The following WHRN variants were observed in gnomAD, a reference collection of about 807,000 sequenced individuals.
The protein encoded by WHRN is whirlin, also known as CASK-interacting protein CIP98.
WHRN carries 41 observed loss-of-function variants against 68.3 expected under a neutral mutation model. That is an observed-to-expected ratio of 0.60 (90% confidence interval 0.47 to 0.78). WHRN has a LOEUF of 0.78. Ranked by LOEUF, WHRN falls within the 30% of genes least tolerant of loss-of-function variation. WHRN has a pLI of 0.00. For missense variants in WHRN, 1,243 were observed against 1,244.7 expected (o/e 1.00, Z 0.02); for synonymous variants, 560 against 561.3 (o/e 1.00, Z 0.03).
chr9:114,469,467 C>T (rs180886099), intron 2 of WHRN, among the ~76,000 whole-genome samples: 5 of 152,346 alleles, frequency 3.3e-5, no homozygotes, highest in Admixed American at 2.6e-4. Flanking sequence ...CTCAGGGCAG[C>T]GAGTCTCTCC....
rs762188173 is a variant in WHRN at position 114,466,315 on chromosome 9, G to A, written c.915C>T (p.Tyr305=). ...CAGAGCCTGGGTCCACGCCAGTGATGTAAATGCCAAGGCCGTACTCAGCTC... is the reference window on the plus strand; with the variant it reads ...CAGAGCCTGGGTCCACGCCAGTGATATAAATGCCAAGGCCGTACTCAGCTC... ...RGGAEYGLGI[Y]ITGVDPGSEA... is the part of the protein sequence containing the mutation. Residue 305 remains tyrosine, a synonymous_variant, in exon 3 of 12, where the codon TAC becomes TAT. Coordinates refer to ENST00000362057, the MANE Select transcript of WHRN (RefSeq NM_015404.4). The A allele has an allele frequency of 1.2e-6, 2 of 1,614,146 alleles. No individual in the cohort carries two copies. The highest frequency in any genetic ancestry group is 1.7e-6 in the Non-Finnish European group (2 of 1,180,034).
chr9:114,456,930 GA>G (rs1839857873), intron 3 of WHRN, among the ~76,000 whole-genome samples: 1 of 152,062 alleles, frequency 6.6e-6, no homozygotes, highest in Non-Finnish European at 1.5e-5. Flanking sequence ...CTTACTCTGG[GA>G]AAAAGCTATA....
At chr9:114,467,516 G>GC (rs1204208713) in intron 2 of WHRN, among the ~76,000 whole-genome samples, 1 of 151,904 alleles carries the variant, frequency 6.6e-6, no homozygotes, top group East Asian at 1.9e-4. Flanking sequence ...GTCAGCCGGC[G>GC]GGGGGGAAGG....
rs1351660656 is a variant in WHRN at position 114,426,233 on chromosome 9, C to T, written c.1144G>A (p.Glu382Lys). 1.9e-6 allele frequency: 3 copies of T among 1,612,486 alleles called. No individual in the cohort carries two copies. The highest frequency in any genetic ancestry group is 2.5e-6 in the Non-Finnish European group (3 of 1,180,030). The change falls in exon 4 of 12, where the codon GAG becomes AAG. Residue 382 changes from glutamate (E) to lysine (K), a missense_variant. Coordinates refer to ENST00000362057, the MANE Select transcript of WHRN (RefSeq NM_015404.4). The stretch of plus-strand genomic sequence containing the variant: ...GACCCTGCCGAGTTCGCCATGGTCT[C>T]CCTGATCCGGGAACTGGCGATCCAC... ...TKWIASSRIRETMANSAGFLG... is the reference protein window; with the variant it reads ...TKWIASSRIRKTMANSAGFLG...
chr9:114,436,261 G>T (rs1378865329), intron 3 of WHRN, among the ~76,000 whole-genome samples: 1 of 152,114 alleles, frequency 6.6e-6, no homozygotes, highest in African/African-American at 2.4e-5. Flanking sequence ...TTTTAGAGGG[G>T]TGATACTCTT....
chr9:114,422,891 C>T (rs1836437609), intron 7 of WHRN, among the ~76,000 whole-genome samples: 1 of 152,122 alleles, frequency 6.6e-6, no homozygotes, highest in East Asian at 1.9e-4. Flanking sequence ...AGGGTGGCCT[C>T]TTGGGGAAAA....
rs144173085 is a variant in WHRN, at chr9:114,405,822, G to C, written c.2236+533C>G. Among the ~76,000 whole-genome samples the C allele has an allele frequency of 5.1e-4, 78 of 152,364 alleles. 1 individual carries two copies. The highest frequency in any genetic ancestry group is 1.8e-3 in the African/African-American group (75 of 41,592). On this transcript the variant is annotated intron_variant, in intron 9 of 11. Transcript: ENST00000362057. The stretch of plus-strand genomic sequence containing the variant: ...GGAGCTCCACAGCTTTCAGGGTGGG[G>C]AGGCAGGCTCTGCCCTTCCCTCTAC...
At chr9:114,425,495 T>C (rs890445330) in intron 4 of WHRN, 10 of 372,030 alleles carry the variant, frequency 2.7e-5, no homozygotes, top group African/African-American at 1.0e-4. Flanking sequence ...TCCAGTTTTT[T>C]TTTTTATAGA....
intron 1 of WHRN, chr9:114,491,624 C>T (rs756936343): frequency 7.9e-5 from 18 of 226,516 alleles, no homozygotes; most frequent in Middle Eastern, 4.8e-4. Context: ...GAGCGCGCCT[C>T]GGTTAAGGGA....
intron 1 of WHRN, among the ~76,000 whole-genome samples, chr9:114,490,972 A>G (rs7046403): frequency 0.07 from 10,705 of 152,272 alleles, 1,255 homozygotes; most frequent in African/African-American, 0.24. Flanking sequence ...TGCTTTATAA[A>G]TGTTCTTTTA....
At chr9:114,432,485 T>C (rs943714308) in intron 3 of WHRN, among the ~76,000 whole-genome samples, 2 of 152,210 alleles carry the variant, frequency 1.3e-5, no homozygotes, top group African/African-American at 4.8e-5. Context: ...AGCTAGTGTG[T>C]TGTGCAAAGT....
In WHRN at chr9:114,403,346, G is replaced by T; in HGVS notation, c.2419-7C>A. 1.2e-6 allele frequency: 2 copies of T among 1,613,942 alleles called. No individual in the cohort carries two copies. The highest frequency in any genetic ancestry group is 1.3e-5 in the African/African-American group (1 of 75,060). ...TGGGCTCCAGAAGTCCAGGCTGTGG[G>T]TATTAGGAAGGACACCACTGAGGCC... On this transcript the variant is annotated splice_polypyrimidine_tract_variant and splice_region_variant and intron_variant, in intron 10 of 11. Coordinates refer to ENST00000362057, the MANE Select transcript of WHRN (RefSeq NM_015404.4).
intron 6 of WHRN, among the ~76,000 whole-genome samples, chr9:114,424,073 T>G (rs983240719): frequency 7.2e-5 from 11 of 152,190 alleles, no homozygotes; most frequent in Non-Finnish European, 1.6e-4. Context: ...GCACTGCTTT[T>G]AAGAGCAATC....
rs193092130 is a variant in WHRN at position 114,407,044 on chromosome 9, G to A, written c.1699-152C>T. On this transcript the variant is annotated intron_variant, in intron 8 of 11. Transcript: ENST00000362057. The stretch of plus-strand genomic sequence containing the variant: ...CACTGCTCTGAATAATGCAACACCT[G>A]AGTGGAAAACTTCTCCCCTGCATCT... The A allele has an allele frequency of 4.4e-5, 41 of 937,874 alleles. No homozygotes were observed. In the Admixed American group the frequency reaches 8.0e-4, roughly 18 times the overall value. The allele number at this position is 937,874 out of a possible 1,614,324, so 58.1% of individuals were successfully genotyped here.
chr9:114,504,674 T>C lies in WHRN; in HGVS notation c.128A>G (p.His43Arg). ...GCTCAGCAGCGCGGTCAGCGCTTGG[T>C]GCAGCTGGCGCACGTTGGCAGACAG... is the stretch of plus-strand genomic sequence containing the variant. ...RLLSANVRQL[H>R]QALTALLSEA... The change falls in exon 1 of 12, where the codon CAC becomes CGC. Residue 43 changes from histidine to arginine, a missense_variant. His to Arg is a conservative substitution (Grantham distance 29). Coordinates refer to ENST00000362057, the MANE Select transcript of WHRN (RefSeq NM_015404.4). 2 of 1,601,682 alleles carry C rather than the reference T, an allele frequency of 1.2e-6. No homozygotes were observed. The highest frequency in any genetic ancestry group is 1.7e-6 in the Non-Finnish European group (2 of 1,176,924).
In WHRN at chr9:114,408,553, A is replaced by G. The variant is rs191980226; in HGVS notation, c.1627-535T>C. On this transcript the variant is annotated intron_variant, in intron 7 of 11. Coordinates refer to ENST00000362057, the MANE Select transcript of WHRN (RefSeq NM_015404.4). ...TTCCCAATTCACAAGAAGAAACCCA[A>G]TGCCTCCTTAAGTGACACTGGGCTG... 2.4e-3 allele frequency among the ~76,000 whole-genome samples: 360 copies of G among 152,364 alleles called. 2 individuals carry two copies. The highest frequency in any genetic ancestry group is 2.6e-3 in the Non-Finnish European group (179 of 68,028).
At chr9:114,403,722 C>T (rs1834827043) in intron 10 of WHRN, among the ~76,000 whole-genome samples, 174 bp downstream of exon 10, 1 of 152,364 alleles carries the variant, frequency 6.6e-6, no homozygotes, top group East Asian at 1.9e-4. Flanking sequence ...AACTGGGCCT[C>T]CAGATTCCTA....
chr9:114,403,043 G>A (rs1233542233), intron 11 of WHRN, 107 bp from the exon 12 acceptor site: 2 of 1,526,418 alleles, frequency 1.3e-6, no homozygotes, highest in South Asian at 1.2e-5. Flanking sequence ...GCTACAATCT[G>A]AGTGTCCACT....
intron 1 of WHRN, among the ~76,000 whole-genome samples, chr9:114,480,786 T>A (rs1364585546): frequency 6.6e-6 from 1 of 152,162 alleles, no homozygotes; most frequent in Non-Finnish European, 1.5e-5. Context: ...TATTTTAATG[T>A]TAAGTGGGGT....
Sources: allele counts gnomAD v4.1 joint callset (sites outside exome capture counted in the v4.1 genomes callset), GRCh38; gene constraint gnomAD v4.1.1; transcripts MANE v1.5; gene names NCBI Gene and HGNC (gene_info 2026-07-23, HGNC 2026-07-21).